The following UNC80 variants were observed in gnomAD, a reference collection of about 807,000 sequenced individuals.
UNC80 encodes the protein unc-80 subunit of NALCN channel complex.
Under a neutral mutation model 384.6 loss-of-function variants are expected in UNC80, and 164 were observed. That is an observed-to-expected ratio of 0.43 (90% CI 0.38 to 0.49). The LOEUF (loss-of-function observed/expected upper bound fraction) is 0.49. UNC80 is among the 20% of genes least tolerant of loss of function. The pLI, the probability that UNC80 is intolerant of heterozygous loss-of-function variation, is 0.00. For synonymous variants in UNC80, 1,486 were observed against 1,527.8 expected, an observed-to-expected ratio of 0.97 and a Z score of 0.64; for missense variants, 3,330 against 4,143.0, an observed-to-expected ratio of 0.80 and a Z score of 5.39.
At chr2:209,856,829 C>T (rs1463473718) in intron 22 of UNC80, among the ~76,000 whole-genome samples, 1 of 151,254 alleles carries the variant, frequency 6.6e-6, no homozygotes, top group African/African-American at 2.4e-5. Flanking sequence ...GCTCTGTTGC[C>T]CAGGCTGGAG....
chr2:209,845,112 A>G (rs890850555), intron 21 of UNC80: 1 of 151,864 alleles, frequency 6.6e-6, no homozygotes, highest in Admixed American at 6.6e-5. Context: ...AGGAGGAGAC[A>G]TAAGGTCTCT....
rs1247219835 is a variant in UNC80, at chr2:209,819,106, G to A, written c.1807G>A (p.Val603Met). ...GCATATGAGGAAACTCTGCAACCAG[G>A]TGCCTATCCCGGAGATGCCACATGA... ...NEHMRKLCNQ[V>M]PIPEMPHEPL... Residue 603 changes from valine to methionine, a missense_variant, in exon 12 of 65, where the codon GTG (valine) becomes ATG (methionine). Around this residue, in one of 8 missense-constraint regions of UNC80, gnomAD observed 937 missense variants for 1,026.8 expected, o/e 0.91. Coordinates refer to ENST00000673920, the MANE Select transcript of UNC80 (RefSeq NM_001371986.1). 4 of 1,552,138 alleles carry A rather than the reference G, an allele frequency of 2.6e-6. No homozygotes were observed. The highest frequency in any genetic ancestry group is 1.2e-5 in the South Asian group (1 of 84,046).
chr2:209,864,798 C>T (rs1361130992), intron 22 of UNC80, among the ~76,000 whole-genome samples: 2 of 152,156 alleles, frequency 1.3e-5, no homozygotes, highest in Non-Finnish European at 2.9e-5. Flanking sequence ...TAGGTCATTG[C>T]GAGTCCCACT....
At chr2:209,919,789 G>C (rs767363254) in intron 33 of UNC80, among the ~76,000 whole-genome samples, 1 of 152,116 alleles carries the variant, frequency 6.6e-6, no homozygotes, top group Non-Finnish European at 1.5e-5. Flanking sequence ...AGTAATTTCA[G>C]CATCTGAACC....
intron 5 of UNC80, among the ~76,000 whole-genome samples, chr2:209,788,944 C>T (rs141569644): frequency 6.6e-6 from 1 of 152,068 alleles, no homozygotes; most frequent in Non-Finnish European, 1.5e-5. Flanking sequence ...AATTTGTTAT[C>T]TTTTATACTG....
At position 209,933,929 on chromosome 2, in the gene UNC80, C is replaced by G. The variant is rs564103635; in HGVS notation, c.6102C>G (p.Leu2034=). 6.4e-7 allele frequency: 1 copy of G among 1,551,056 alleles called. No individual in the cohort carries two copies. Among genetic ancestry groups the G allele is most frequent in the Admixed American group, 2.0e-5 (1 of 50,966 alleles). Residue 2034 remains leucine, a synonymous_variant, in exon 39 of 65, where the codon CTC becomes CTG. Transcript: ENST00000673920. ...AGGTGGTGGGTTACGTGGAGGGCCTCTTCTTCAAGGATCTCAAGCAGACGA... is the reference window on the plus strand; with the variant it reads ...AGGTGGTGGGTTACGTGGAGGGCCTGTTCTTCAAGGATCTCAAGCAGACGA... ...LWEVVGYVEG[L]FFKDLKQTMK...
chr2:209,972,351 T>C, intron 55 of UNC80, 27 bp downstream of exon 55: 1 of 1,547,578 alleles, frequency 6.5e-7, no homozygotes, highest in South Asian at 1.2e-5. Context: ...TAAAGGAAAT[T>C]TATCATTGTT....
intron 54 of UNC80, among the ~76,000 whole-genome samples, chr2:209,971,424 CTTTA>C (rs532670840): frequency 1.3e-4 from 19 of 143,136 alleles, no homozygotes; most frequent in South Asian, 2.2e-4. Flanking sequence ...AGTTCTCCCC[CTTTA>C]TTTATTTCTT....
intron 22 of UNC80, among the ~76,000 whole-genome samples, chr2:209,854,429 A>G (rs901884926): frequency 2.0e-5 from 3 of 152,084 alleles, no homozygotes; most frequent in African/African-American, 7.2e-5. Context: ...TGTCTTGGCT[A>G]TTATGAATGG....
chr2:209,843,218 C>T (rs2081899661), intron 21 of UNC80, among the ~76,000 whole-genome samples: 1 of 152,046 alleles, frequency 6.6e-6, no homozygotes, highest in African/African-American at 2.4e-5. Flanking sequence ...ATGCAATATG[C>T]CATATTTAAA....
chr2:209,956,609 T>A (rs1474962700), intron 48 of UNC80, among the ~76,000 whole-genome samples: 3 of 152,198 alleles, frequency 2.0e-5, no homozygotes, highest in Non-Finnish European at 4.4e-5. Context: ...CTTTAAGTTT[T>A]AGGGTACATG....
intron 8 of UNC80, among the ~76,000 whole-genome samples, chr2:209,814,544 C>G (rs1178578843): frequency 6.6e-6 from 1 of 152,134 alleles, no homozygotes; most frequent in African/African-American, 2.4e-5. Flanking sequence ...CCGCGCCTGG[C>G]CAACATTTTC....
intron 56 of UNC80, among the ~76,000 whole-genome samples, chr2:209,973,983 G>A (rs1179745868): frequency 2.0e-5 from 3 of 152,016 alleles, no homozygotes; most frequent in African/African-American, 7.3e-5. Context: ...TAACCTGGTC[G>A]TGACCCGGGG....
intron 61 of UNC80, among the ~76,000 whole-genome samples, chr2:209,986,533 C>G (rs566379645): frequency 6.6e-6 from 1 of 152,340 alleles, no homozygotes; most frequent in South Asian, 2.1e-4. Context: ...GTAGGTGAGA[C>G]TGGTTCAGAG....
At chr2:209,981,349 G>A (rs962874277) in intron 59 of UNC80, among the ~76,000 whole-genome samples, 2 of 152,188 alleles carry the variant, frequency 1.3e-5, no homozygotes, top group Admixed American at 6.5e-5. Context: ...AGGCCGAGGC[G>A]GGTGGATCAC....
chr2:209,943,654 T>A, intron 45 of UNC80, 140 bp downstream of exon 45: 3 of 1,002,472 alleles, frequency 3.0e-6, no homozygotes, highest in Non-Finnish European at 4.3e-6. Context: ...GGCAGAGGAG[T>A]CGAAAAACTG....
At chr2:209,797,063 T>C (rs2078209654) in intron 7 of UNC80, among the ~76,000 whole-genome samples, 1 of 152,224 alleles carries the variant, frequency 6.6e-6, no homozygotes, top group Admixed American at 6.5e-5. Flanking sequence ...ATAAATGAAT[T>C]CATACAGTCT....
chr2:209,873,565 C>T (rs1159102275), intron 23 of UNC80, among the ~76,000 whole-genome samples: 2 of 152,022 alleles, frequency 1.3e-5, no homozygotes, highest in Admixed American at 6.6e-5. Flanking sequence ...GGAATTCTAA[C>T]AAAATGGACC....
intron 61 of UNC80, among the ~76,000 whole-genome samples, chr2:209,989,310 G>C (rs1354350477): frequency 6.8e-6 from 1 of 146,430 alleles, no homozygotes; most frequent in Non-Finnish European, 1.5e-5. Context: ...GGGCAACAGA[G>C]CAAGACTCTG....
Sources: gnomAD v4.1 joint callset for allele counts (sites outside exome capture counted in the v4.1 genomes callset) on GRCh38, gnomAD v4.1.1 for gene constraint, gnomAD v4.1.1 regional missense constraint, MANE v1.5 for transcripts, NCBI Gene and HGNC (gene_info 2026-07-23, HGNC 2026-07-21) for gene names.